Variants in LRRC7 observed in about 807,000 individuals in gnomAD.
The protein encoded by LRRC7 is leucine rich repeat containing 7.
Under a neutral mutation model 175.7 loss-of-function variants are expected in LRRC7, and 23 were observed. That is an observed-to-expected ratio of 0.13 (90% CI 0.09 to 0.19). The LOEUF is 0.19. Among genes scored for constraint, LRRC7 ranks in the 10% least tolerant of loss-of-function variants. The pLI is 1.00. For synonymous variants in LRRC7, 685 were observed against 680.9 expected, an observed-to-expected ratio of 1.01 and a Z score of -0.09; for missense variants, 1,354 against 1,904.7, an observed-to-expected ratio of 0.71 and a Z score of 5.38.
intron 25 of LRRC7, among the ~76,000 whole-genome samples, chr1:70,096,228 C>T (rs1019275638): frequency 2.0e-5 from 3 of 152,198 alleles, no homozygotes; most frequent in Non-Finnish European, 4.4e-5. Flanking sequence ...CCGCCTGCCG[C>T]GGCCTCCCAA....
chr1:69,974,521 T>C (rs957649168), intron 8 of LRRC7, among the ~76,000 whole-genome samples: 2 of 152,216 alleles, frequency 1.3e-5, no homozygotes, highest in Admixed American at 6.5e-5. Context: ...GTTAATTCAC[T>C]AATTTTTAAC....
chr1:70,002,506 C>T (rs1229734732), intron 11 of LRRC7, among the ~76,000 whole-genome samples: 1 of 152,120 alleles, frequency 6.6e-6, no homozygotes, highest in Non-Finnish European at 1.5e-5. Flanking sequence ...TAACTTGTTG[C>T]TTATTTTGCC....
intron 23 of LRRC7, among the ~76,000 whole-genome samples, chr1:70,071,766 C>G (rs1196534883): frequency 1.3e-5 from 2 of 152,270 alleles, no homozygotes; most frequent in East Asian, 3.9e-4. Context: ...TTTTTGGAAG[C>G]AAGCCCAGGT....
chr1:69,681,799 T>A (rs1274618925), intron 2 of LRRC7, among the ~76,000 whole-genome samples: 5 of 152,148 alleles, frequency 3.3e-5, no homozygotes, highest in African/African-American at 1.2e-4. Context: ...CCAGTCTGAT[T>A]CCTGTCCAGT....
In LRRC7 at chr1:69,888,603, T is replaced by G. The variant is rs866815572; in HGVS notation, c.648-42904T>G. On this transcript the variant is annotated intron_variant, in intron 7 of 26. Coordinates refer to ENST00000651989, the MANE Select transcript of LRRC7 (RefSeq NM_001370785.2). Reference sequence around the variant, plus strand: ...TGCGTCGCTCACGCTGGGAGCTGTATACCGGAGCTGTTCCTATTCGGCCAT... The same window carrying G: ...TGCGTCGCTCACGCTGGGAGCTGTAGACCGGAGCTGTTCCTATTCGGCCAT... Among the ~76,000 whole-genome samples the G allele has an allele frequency of 1.2e-4, 19 of 152,248 alleles. No individual in the cohort carries two copies. The East Asian group carries it at 1.7e-3, about 14-fold the overall frequency.
intron 12 of LRRC7, 55 bp downstream of exon 12, chr1:70,011,981 T>A: frequency 7.4e-7 from 1 of 1,348,164 alleles, no homozygotes; most frequent in Non-Finnish European, 1.0e-6. Context: ...TGTTTTGGAG[T>A]AAAATCTTAA....
chr1:69,811,757 CAG>C (rs1677904406), intron 4 of LRRC7, among the ~76,000 whole-genome samples: 1 of 152,002 alleles, frequency 6.6e-6, no homozygotes, highest in African/African-American at 2.4e-5. Context: ...ACATCACACA[CAG>C]GGGCCTGTTG....
intron 7 of LRRC7, among the ~76,000 whole-genome samples, chr1:69,847,076 G>A (rs1034762915): frequency 6.6e-6 from 1 of 151,782 alleles, no homozygotes; most frequent in African/African-American, 2.4e-5. Flanking sequence ...ATGACTTTTT[G>A]CTTTTAAAAT....
intron 2 of LRRC7, among the ~76,000 whole-genome samples, chr1:69,735,356 G>A (rs1667996016): frequency 6.6e-6 from 1 of 151,916 alleles, no homozygotes; most frequent in Non-Finnish European, 1.5e-5. Context: ...TTTTTAAAAA[G>A]TCTTCTCCAG....
chr1:69,781,250 C>G (rs368094844), intron 3 of LRRC7, among the ~76,000 whole-genome samples: 1 of 152,040 alleles, frequency 6.6e-6, no homozygotes, highest in African/African-American at 2.4e-5. Context: ...GGCCTGCGGC[C>G]TTTGTGAGGG....
At chr1:69,905,858 G>C (rs1175309028) in intron 7 of LRRC7, among the ~76,000 whole-genome samples, 38 of 152,172 alleles carry the variant, frequency 2.5e-4, no homozygotes, top group Non-Finnish European at 4.1e-4. Context: ...GGTTGAACTA[G>C]TTTACAGTCC....
In LRRC7 at chr1:69,760,034, T is replaced by C. The variant is rs182803492; in HGVS notation, c.101-157T>C. Reference sequence around the variant, plus strand: ...TATTTCACGTACTTCGCAGGGCTGTTTAAGGATTTAATGATACAATGCGTG... The same window carrying C: ...TATTTCACGTACTTCGCAGGGCTGTCTAAGGATTTAATGATACAATGCGTG... On this transcript the variant is annotated intron_variant, in intron 2 of 26. Coordinates refer to ENST00000651989, the MANE Select transcript of LRRC7 (RefSeq NM_001370785.2). The C allele has an allele frequency of 5.4e-6, 4 of 746,102 alleles. No homozygotes were observed. In the African/African-American group the frequency reaches 7.1e-5, roughly 13 times the overall value. 46.2% of individuals were successfully genotyped at this position (746,102 alleles called of 1,614,324 possible).
intron 3 of LRRC7, among the ~76,000 whole-genome samples, chr1:69,771,991 G>A (rs535800362): frequency 2.0e-5 from 3 of 151,876 alleles, no homozygotes; most frequent in East Asian, 1.9e-4. Flanking sequence ...GCATGATGGC[G>A]GTGCCTGCAA....
At chr1:69,648,060 TAATTTTAATGATTC>T (rs922342220) in intron 1 of LRRC7, among the ~76,000 whole-genome samples, 9 of 152,300 alleles carry the variant, frequency 5.9e-5, no homozygotes, top group African/African-American at 9.6e-5. Context: ...AATGATTCAA[TAATTTTAATGATTC>T]AATTTTAATG....
At chr1:69,897,806 G>C (rs537225324) in intron 7 of LRRC7, among the ~76,000 whole-genome samples, 1 of 152,282 alleles carries the variant, frequency 6.6e-6, no homozygotes, top group African/African-American at 2.4e-5. Flanking sequence ...CAATCTTAAT[G>C]CAAGGCCATT....
At chr1:69,730,334 T>C (rs535368598) in intron 2 of LRRC7, among the ~76,000 whole-genome samples, 1 of 152,346 alleles carries the variant, frequency 6.6e-6, no homozygotes, top group Admixed American at 6.5e-5. Context: ...GTTGTCAGGC[T>C]GCAAATTTTT....
chr1:69,852,288 G>A (rs1683075258), intron 7 of LRRC7, among the ~76,000 whole-genome samples: 1 of 152,046 alleles, frequency 6.6e-6, no homozygotes, highest in Admixed American at 6.6e-5. Context: ...ACAATGTGGG[G>A]CATACAGAAG....
intron 3 of LRRC7, among the ~76,000 whole-genome samples, chr1:69,788,944 T>C (rs1674804095): frequency 6.6e-6 from 1 of 152,168 alleles, no homozygotes; most frequent in Admixed American, 6.5e-5. Flanking sequence ...GTATAGTTGT[T>C]TCCCCGCACT....
At chr1:69,642,811 C>CATAGATAAATAGATAGATAG (rs1553131044) in intron 1 of LRRC7, among the ~76,000 whole-genome samples, 22 of 147,294 alleles carry the variant, frequency 1.5e-4, no homozygotes, top group Admixed American at 1.2e-3. Flanking sequence ...ACAGATGATA[C>CATAGATAAATAGATAGATAG]ATAGATAGAT....
Sources: allele counts gnomAD v4.1 joint callset (sites outside exome capture counted in the v4.1 genomes callset), GRCh38; gene constraint gnomAD v4.1.1; transcripts MANE v1.5; gene names NCBI Gene and HGNC (gene_info 2026-07-23, HGNC 2026-07-21).